The following CDH9 variants were observed in gnomAD, a reference collection of about 807,000 sequenced individuals.
CDH9 encodes the protein cadherin 9, also known as cadherin-9.
Under a neutral mutation model 70.9 loss-of-function variants are expected in CDH9, and 28 were observed. That is an observed-to-expected ratio of 0.40 (90% CI 0.29 to 0.54). CDH9 has a LOEUF of 0.54. Ranked by LOEUF, CDH9 falls within the 20% of genes least tolerant of loss-of-function variation. The probability of loss-of-function intolerance (pLI) is 0.59; values close to 1 mark genes in which losing one functional copy is unlikely to be tolerated. For missense variants in CDH9, 874 were observed against 984.4 expected (o/e 0.89, Z 1.50); for synonymous variants, 409 against 343.1 (o/e 1.19, Z -2.12).
chr5:26,994,597 T>C (rs1448404607), intron 1 of CDH9, among the ~76,000 whole-genome samples: 2 of 151,994 alleles, frequency 1.3e-5, no homozygotes, highest in Non-Finnish European at 2.9e-5. Flanking sequence ...TATGTGAAGA[T>C]ACAATGAGAA....
intron 2 of CDH9, among the ~76,000 whole-genome samples, chr5:26,940,688 G>A (rs13361788): frequency 0.12 from 18,244 of 152,146 alleles, 3,657 homozygotes; most frequent in African/African-American, 0.42. Flanking sequence ...ACAGGGAGCA[G>A]AACCATTGTC....
chr5:26,942,765 A>C (rs1453680903), intron 2 of CDH9, among the ~76,000 whole-genome samples: 3 of 152,182 alleles, frequency 2.0e-5, no homozygotes, highest in African/African-American at 7.2e-5. Flanking sequence ...TACATAGACT[A>C]ACTTGGCTAC....
intron 2 of CDH9, among the ~76,000 whole-genome samples, chr5:26,919,756 C>A (rs1380114695): frequency 6.6e-6 from 1 of 152,054 alleles, no homozygotes; most frequent in Non-Finnish European, 1.5e-5. Flanking sequence ...AGGGCAGGGT[C>A]CTGAGGCCCC....
chr5:26,988,190 T>C lies in CDH9; in HGVS notation c.144A>G (p.Leu48=), dbSNP rs1327615041. The change falls in exon 2 of 12, where the codon CTA becomes CTG. Residue 48 remains leucine, a synonymous_variant. Transcript: ENST00000231021. The stretch of plus-strand genomic sequence containing the variant: ...ACATCCAGCCACGCTTGGTGCGACG[T>C]AGCATTTTACCGTCATCTTTTGTCA... ...AGLTKDDGKM[L]RRTKRGWMWN... is the part of the protein sequence containing the mutation. 6.2e-7 allele frequency: 1 copy of C among 1,613,424 alleles called. No homozygotes were observed. Among genetic ancestry groups the C allele is most frequent in the Non-Finnish European group, 8.5e-7 (1 of 1,179,652 alleles).
chr5:26,937,484 T>C (rs1741579991), intron 2 of CDH9, among the ~76,000 whole-genome samples: 1 of 152,118 alleles, frequency 6.6e-6, no homozygotes, highest in Non-Finnish European at 1.5e-5. Flanking sequence ...AGCTAAACAG[T>C]CACAGCATAT....
At chr5:27,008,891 A>G (rs1207951414) in intron 1 of CDH9, among the ~76,000 whole-genome samples, 1 of 152,190 alleles carries the variant, frequency 6.6e-6, no homozygotes, top group African/African-American at 2.4e-5. Flanking sequence ...TAACTTTGCA[A>G]TTGAAGTTCA....
intron 2 of CDH9, among the ~76,000 whole-genome samples, chr5:26,965,425 A>C (rs1365965540): frequency 6.6e-6 from 1 of 151,844 alleles, no homozygotes; most frequent in Non-Finnish European, 1.5e-5. Flanking sequence ...ATAATACAAA[A>C]ATTAGTCAGG....
rs115752439 is a variant in CDH9 at position 26,882,176 on chromosome 5, A to G, written c.1883-553T>C. 4.0e-3 allele frequency among the ~76,000 whole-genome samples: 602 copies of G among 152,164 alleles called. 7 individuals are homozygous for G. The highest frequency in any genetic ancestry group is 0.014 in the African/African-American group (578 of 41,536). On this transcript the variant is annotated intron_variant, in intron 11 of 11. Coordinates refer to ENST00000231021, the MANE Select transcript of CDH9 (RefSeq NM_016279.4). ...ACCACTTCCCGTATCTCATAGGTTT[A>G]ACTAAATTCCTTTACTGGTCTAATT...
Position 26,881,611 on chromosome 5 carries a change from A to AGTTT in CDH9, c.1894_1895insAAAC (p.Leu632Ter). On this transcript the variant is annotated stop_gained and frameshift_variant, in exon 12 of 12. Coordinates refer to ENST00000231021, the MANE Select transcript of CDH9 (RefSeq NM_016279.4). LOFTEE classifies it high-confidence loss of function. Reference sequence around the variant, plus strand: ...TCTTTGCCTCTTCAATGCAGCAAACAACACGACTAAAACTATTAATAAGAA... The same window carrying AGTTT: ...TCTTTGCCTCTTCAATGCAGCAAACAGTTTACACGACTAAAACTATTAATAAGAA... 1 of 1,607,994 alleles carries AGTTT rather than the reference A, an allele frequency of 6.2e-7. No individual in the cohort carries two copies. The highest frequency in any genetic ancestry group is 2.2e-5 in the East Asian group (1 of 44,844).
intron 1 of CDH9, among the ~76,000 whole-genome samples, chr5:27,030,771 T>A (rs1199046084): frequency 6.7e-6 from 1 of 149,460 alleles, no homozygotes; most frequent in Middle Eastern, 3.5e-3. Context: ...AGTGTGGATA[T>A]CTTTCCTCAA....
At chr5:26,996,810 T>C (rs1446410551) in intron 1 of CDH9, among the ~76,000 whole-genome samples, 1 of 151,738 alleles carries the variant, frequency 6.6e-6, no homozygotes, top group African/African-American at 2.4e-5. Flanking sequence ...TTTAAAACCA[T>C]TTACTGATTT....
chr5:26,938,258 T>C (rs1474780829), intron 2 of CDH9, among the ~76,000 whole-genome samples: 1 of 151,346 alleles, frequency 6.6e-6, no homozygotes, highest in African/African-American at 2.4e-5. Context: ...TTAGAGAGTG[T>C]ATATTTAAAA....
chr5:26,918,981 T>C (rs1322253112), intron 2 of CDH9, among the ~76,000 whole-genome samples: 1 of 152,116 alleles, frequency 6.6e-6, no homozygotes. Context: ...TTAACATCTT[T>C]TAAAAAATGG....
At chr5:26,958,748 A>C (rs1741987287) in intron 2 of CDH9, among the ~76,000 whole-genome samples, 1 of 152,210 alleles carries the variant, frequency 6.6e-6, no homozygotes. Flanking sequence ...AAGAAGGATA[A>C]AAATAAATGG....
intron 2 of CDH9, among the ~76,000 whole-genome samples, chr5:26,951,698 C>A (rs890784580): frequency 1.3e-5 from 2 of 152,056 alleles, no homozygotes; most frequent in Non-Finnish European, 2.9e-5. Context: ...GATTGTATAT[C>A]CTTGAAATCA....
intron 2 of CDH9, among the ~76,000 whole-genome samples, chr5:26,941,150 A>G (rs190142930): frequency 6.6e-6 from 1 of 152,324 alleles, no homozygotes; most frequent in African/African-American, 2.4e-5. Context: ...AATTAATGCC[A>G]CATCATTGGA....
At chr5:27,032,123 CTAT>C (rs1266080372) in intron 1 of CDH9, among the ~76,000 whole-genome samples, 5 of 151,660 alleles carry the variant, frequency 3.3e-5, no homozygotes, top group African/African-American at 1.2e-4. Flanking sequence ...TATGAACAGA[CTAT>C]TGATAAAAAC....
At chr5:26,919,239 A>G (rs1119686) in intron 2 of CDH9, among the ~76,000 whole-genome samples, 26,833 of 152,116 alleles carry the variant, frequency 0.18, 2,675 homozygotes, top group South Asian at 0.36. Flanking sequence ...CCACATGGTG[A>G]GGAGTGAATC....
At chr5:26,933,342 GT>G (rs1423674059) in intron 2 of CDH9, among the ~76,000 whole-genome samples, 1 of 151,546 alleles carries the variant, frequency 6.6e-6, no homozygotes, top group Non-Finnish European at 1.5e-5. Flanking sequence ...AAAAATATTT[GT>G]TTTTGTTAAG....
Sources: allele counts gnomAD v4.1 joint callset (sites outside exome capture counted in the v4.1 genomes callset), GRCh38; gene constraint gnomAD v4.1.1; transcripts MANE v1.5; gene names NCBI Gene and HGNC (gene_info 2026-07-23, HGNC 2026-07-21).